Variants in CHN2 observed in about 807,000 individuals in gnomAD.
The protein encoded by CHN2 is beta-chimaerin.
Under a neutral mutation model 56.3 loss-of-function variants are expected in CHN2, and 35 were observed. The ratio of observed to expected loss-of-function variants is 0.62; its 90% CI spans 0.47 to 0.82. The LOEUF (loss-of-function observed/expected upper bound fraction) is 0.82. Among genes scored for constraint, CHN2 ranks in the 40% least tolerant of loss-of-function variants. The pLI is 0.00. For missense variants in CHN2, 491 were observed against 580.5 expected (o/e 0.85, Z 1.58); for synonymous variants, 210 against 212.8 (o/e 0.99, Z 0.12).
intron 12 of CHN2, among the ~76,000 whole-genome samples, chr7:29,511,213 G>T (rs7782730): frequency 0.94 from 141,747 of 151,446 alleles, 66,135 homozygotes; most frequent in Non-Finnish European, 0.96. Context: ...AGACATACAA[G>T]AAGACATACA....
chr7:29,297,479 G>T (rs1474109651), intron 1 of CHN2, among the ~76,000 whole-genome samples: 3 of 152,206 alleles, frequency 2.0e-5, no homozygotes, highest in Admixed American at 2.0e-4. Flanking sequence ...GGGGCCATCA[G>T]CTGAGGCTCT....
intron 2 of CHN2, among the ~76,000 whole-genome samples, chr7:29,175,334 C>T (rs1387312984): frequency 6.6e-6 from 1 of 152,026 alleles, no homozygotes; most frequent in Admixed American, 6.6e-5. Flanking sequence ...GCCACCACGC[C>T]TGACTAATTT....
At chr7:29,182,922 A>G (rs1379264163) in intron 2 of CHN2, among the ~76,000 whole-genome samples, 1 of 152,196 alleles carries the variant, frequency 6.6e-6, no homozygotes, top group Non-Finnish European at 1.5e-5. Context: ...CAGAACAAAG[A>G]TAAACACTCA....
chr7:29,258,044 G>A (rs968682881), intron 1 of CHN2, among the ~76,000 whole-genome samples: 17 of 151,974 alleles, frequency 1.1e-4, no homozygotes, highest in African/African-American at 3.1e-4. Context: ...TTGGCCTCCC[G>A]AAGTATTGGG....
At chr7:29,210,989 C>G (rs1346391420) in intron 1 of CHN2, among the ~76,000 whole-genome samples, 2 of 151,934 alleles carry the variant, frequency 1.3e-5, no homozygotes, top group African/African-American at 4.8e-5. Context: ...AGGACTTTGG[C>G]TTTTACACTG....
At chr7:29,264,292 C>G (rs1183199405) in intron 1 of CHN2, among the ~76,000 whole-genome samples, 1 of 151,824 alleles carries the variant, frequency 6.6e-6, no homozygotes, top group East Asian at 2.0e-4. Context: ...TCTGCCCGGC[C>G]GTAACCCCGT....
At chr7:29,313,829 C>T (rs3793295) in intron 1 of CHN2, among the ~76,000 whole-genome samples, 41,085 of 152,032 alleles carry the variant, frequency 0.27, 5,702 homozygotes, top group Non-Finnish European at 0.31. Flanking sequence ...TAACTTACTA[C>T]GAGCGTTCAT....
chr7:29,362,579 C>T (rs1423663130), intron 2 of CHN2, among the ~76,000 whole-genome samples: 1 of 152,192 alleles, frequency 6.6e-6, no homozygotes. Flanking sequence ...CCCACATGGC[C>T]TTCTCACACA....
At chr7:29,489,797 G>A (rs1361484336) in intron 7 of CHN2, among the ~76,000 whole-genome samples, 2 of 152,192 alleles carry the variant, frequency 1.3e-5, no homozygotes, top group East Asian at 3.8e-4. Flanking sequence ...TACTTGTTGG[G>A]AAAGGATGTT....
intron 7 of CHN2, among the ~76,000 whole-genome samples, chr7:29,484,458 G>A (rs1368913945): frequency 6.6e-6 from 1 of 152,202 alleles, no homozygotes; most frequent in Non-Finnish European, 1.5e-5. Context: ...AAACTGCCCT[G>A]CAGCTCTCTC....
intron 1 of CHN2, among the ~76,000 whole-genome samples, chr7:29,255,968 A>G (rs1011586056): frequency 2.0e-5 from 3 of 152,216 alleles, no homozygotes; most frequent in African/African-American, 7.2e-5. Context: ...TGCTCTTCCA[A>G]ATGTAACTTA....
intron 1 of CHN2, among the ~76,000 whole-genome samples, chr7:29,230,327 T>C (rs1337510769): frequency 6.6e-6 from 1 of 152,204 alleles, no homozygotes; most frequent in Admixed American, 6.5e-5. Context: ...TTTTATAAAA[T>C]AGTGTAAACC....
intron 1 of CHN2, among the ~76,000 whole-genome samples, chr7:29,295,578 TA>T (rs200153739): frequency 0.017 from 2,504 of 143,822 alleles, 45 homozygotes; most frequent in East Asian, 0.058. Flanking sequence ...CCCATCTATT[TA>T]AAAAAAAAAA....
intron 6 of CHN2, among the ~76,000 whole-genome samples, chr7:29,447,536 G>T (rs1293025917): frequency 1.3e-5 from 2 of 152,022 alleles, no homozygotes; most frequent in Non-Finnish European, 2.9e-5. Flanking sequence ...AGAAATAATG[G>T]CCTCAAATTT....
chr7:29,257,910 C>T (rs753515207), intron 1 of CHN2, among the ~76,000 whole-genome samples: 15 of 152,122 alleles, frequency 9.9e-5, no homozygotes, highest in African/African-American at 3.6e-4. Flanking sequence ...ACCTTAGCCT[C>T]CAGAGTAGCT....
intron 1 of CHN2, among the ~76,000 whole-genome samples, chr7:29,298,948 A>G (rs1793418031): frequency 6.6e-6 from 1 of 152,218 alleles, no homozygotes; most frequent in African/African-American, 2.4e-5. Context: ...GATTATTTGC[A>G]TAAAGTGCAG....
At chr7:29,409,676 T>G (rs185763591) in intron 6 of CHN2, among the ~76,000 whole-genome samples, 4 of 152,322 alleles carry the variant, frequency 2.6e-5, no homozygotes, top group Admixed American at 2.6e-4. Flanking sequence ...TAGACCACAA[T>G]TCAACAAGTG....
intron 1 of CHN2, among the ~76,000 whole-genome samples, chr7:29,229,171 G>A (rs564936467): frequency 1.3e-5 from 2 of 152,272 alleles, no homozygotes; most frequent in African/African-American, 4.8e-5. Context: ...GAGGAACAAG[G>A]ATGAGATAAA....
At chr7:29,324,828 T>A (rs1795683345) in intron 1 of CHN2, among the ~76,000 whole-genome samples, 1 of 152,210 alleles carries the variant, frequency 6.6e-6, no homozygotes, top group Admixed American at 6.5e-5. Context: ...TTTGATCCAC[T>A]GTACATGGAT....
Sources: gnomAD v4.1 joint callset for allele counts (sites outside exome capture counted in the v4.1 genomes callset) on GRCh38, gnomAD v4.1.1 for gene constraint, MANE v1.5 for transcripts, NCBI Gene and HGNC (gene_info 2026-07-23, HGNC 2026-07-21) for gene names.